Variants in ASPSCR1 observed in about 807,000 individuals in gnomAD.
ASPSCR1 encodes tether containing UBX domain for GLUT4.
In ASPSCR1, 55 loss-of-function variants were observed where a neutral mutation model predicts 68.9. The ratio of observed to expected loss-of-function variants is 0.80; its 90% CI spans 0.64 to 1.00. ASPSCR1 has a LOEUF of 1.00. Among genes scored for constraint, ASPSCR1 ranks in the 50% least tolerant of loss-of-function variants. The pLI is 0.00. For synonymous variants in ASPSCR1, 352 were observed against 332.6 expected (o/e 1.06, Z -0.63); for missense variants, 765 against 762.2 (o/e 1.00, Z -0.04).
At chr17:81,997,828 CTT>C (rs372497074) in intron 7 of ASPSCR1, among the ~76,000 whole-genome samples, 19 of 126,934 alleles carry the variant, frequency 1.5e-4, no homozygotes, top group Admixed American at 3.3e-4. Context: ...GAGGCACCCA[CTT>C]TTTTTTTTTT....
At position 82,017,316 on chromosome 17, in the gene ASPSCR1, G is replaced by C. The variant is rs377288926; in HGVS notation, c.1656G>C (p.Lys552Asn). 6.2e-5 allele frequency: 100 copies of C among 1,611,368 alleles called. No individual in the cohort carries two copies. The highest frequency in any genetic ancestry group is 8.1e-5 in the Non-Finnish European group (96 of 1,179,952). Reference sequence around the variant, plus strand: ...GATGTGTCTGCACTACAGCCAGCAAGAGGTGAGAGCTGCCAGCCTGAGGTG... The same window carrying C: ...GATGTGTCTGCACTACAGCCAGCAACAGGTGAGAGCTGCCAGCCTGAGGTG... Reference protein sequence around the residue: ...VPKWLKLPASKR With the variant: ...VPKWLKLPASNR The change falls in exon 16 of 16, where the codon AAG becomes AAC. Residue 552 changes from lysine (K) to asparagine (N), a missense_variant. Transcript: ENST00000306739.
At chr17:82,000,516 G>A (rs2042494842) in intron 7 of ASPSCR1, among the ~76,000 whole-genome samples, 2 of 152,162 alleles carry the variant, frequency 1.3e-5, no homozygotes, top group Non-Finnish European at 2.9e-5. Flanking sequence ...TTTCAGTGAT[G>A]GGGGGAGGGG....
intron 7 of ASPSCR1, among the ~76,000 whole-genome samples, chr17:82,003,818 G>A (rs985515132): frequency 6.6e-5 from 10 of 152,240 alleles, no homozygotes; most frequent in African/African-American, 2.4e-4. Flanking sequence ...CTTTGATGGC[G>A]TCCACGTGCT....
intron 4 of ASPSCR1, among the ~76,000 whole-genome samples, chr17:81,994,101 G>A (rs1256835363): frequency 6.6e-6 from 1 of 152,248 alleles, no homozygotes; most frequent in Non-Finnish European, 1.5e-5. Context: ...CTCTGGGGCT[G>A]GATGTGACGG....
At chr17:82,006,459 T>G (rs1385497270) in intron 7 of ASPSCR1, 1 of 152,214 alleles carries the variant, frequency 6.6e-6, no homozygotes, top group Non-Finnish European at 1.5e-5. Context: ...GGGTGTTCAC[T>G]GTTGTGTCTG....
At position 81,995,953 on chromosome 17, in the gene ASPSCR1, C is replaced by T. The variant is rs755380107; in HGVS notation, c.433-39C>T. 2.3e-5 allele frequency: 37 copies of T among 1,592,020 alleles called. 1 individual carries two copies. The highest frequency in any genetic ancestry group is 1.9e-4 in the Middle Eastern group (1 of 5,266). On this transcript the variant is annotated intron_variant, in intron 5 of 15. Coordinates refer to ENST00000306739, the MANE Select transcript of ASPSCR1 (RefSeq NM_024083.4). ...AGGGCTTCCCTGGGCTCTGGGGTCC[C>T]GGTGCAAGGCGCACCTGTCCTGGCT... is the stretch of plus-strand genomic sequence containing the variant.
At chr17:81,997,352 T>C (rs1231999202) in intron 7 of ASPSCR1, among the ~76,000 whole-genome samples, 1 of 152,084 alleles carries the variant, frequency 6.6e-6, no homozygotes, top group African/African-American at 2.4e-5. Context: ...TTCCGGGTTA[T>C]GGCCAGGGAA....
intron 7 of ASPSCR1, among the ~76,000 whole-genome samples, chr17:81,998,197 C>T (rs1199551994): frequency 6.6e-6 from 1 of 152,146 alleles, no homozygotes; most frequent in Non-Finnish European, 1.5e-5. Flanking sequence ...TCTCGAATTC[C>T]TGGGCTCAAG....
intron 12 of ASPSCR1, chr17:82,015,154 G>A (rs200558937): frequency 6.8e-5 from 109 of 1,598,172 alleles, no homozygotes; most frequent in Middle Eastern, 6.6e-4. Flanking sequence ...CAGAGAACAC[G>A]CTTGCCAGTG....
In ASPSCR1 at chr17:81,977,781, CG is replaced by C; in HGVS notation, c.102+36del. 1 of 1,207,512 alleles carries C rather than the reference CG, an allele frequency of 8.3e-7. No individual in the cohort carries two copies. The highest frequency in any genetic ancestry group is 1.0e-6 in the Non-Finnish European group (1 of 970,756). 74.8% of individuals were successfully genotyped at this position (1,207,512 alleles called of 1,614,324 possible). On this transcript the variant is annotated intron_variant, in intron 1 of 15. Coordinates refer to ENST00000306739, the MANE Select transcript of ASPSCR1 (RefSeq NM_024083.4). The surrounding 1 kb of genome is among the most constrained non-coding windows in gnomAD (Gnocchi z 5.0). ...CGCCCGCCCGGGGCGGACGGGTAGG[CG>C]GGCGGGGGGCGCTGCGCCGAGGCCC...
chr17:81,994,706 T>C, intron 4 of ASPSCR1, 115 bp from the exon 5 acceptor site: 1 of 1,061,222 alleles, frequency 9.4e-7, no homozygotes, highest in Non-Finnish European at 1.4e-6. Flanking sequence ...CTGTCCTGGG[T>C]GGGTGCTGGG....
At chr17:82,006,006 T>A (rs2042701394) in intron 7 of ASPSCR1, 1 of 152,452 alleles carries the variant, frequency 6.6e-6, no homozygotes, top group Admixed American at 6.5e-5. Flanking sequence ...TGGGGCACAG[T>A]CTGTGGTTTT....
At chr17:81,998,626 G>A (rs970599974) in intron 7 of ASPSCR1, among the ~76,000 whole-genome samples, 3 of 152,238 alleles carry the variant, frequency 2.0e-5, no homozygotes, top group Non-Finnish European at 4.4e-5. Flanking sequence ...AACCGTTTCA[G>A]TGTTTTCAGC....
intron 15 of ASPSCR1, 61 bp from the exon 16 acceptor site, chr17:82,017,248 G>GCGGGTGGC (rs1208292098): frequency 1.9e-6 from 3 of 1,604,704 alleles, no homozygotes; most frequent in African/African-American, 2.7e-5. Flanking sequence ...GGGCTGGTGG[G>GCGGGTGGC]CGGGTGGCCG....
At position 82,012,258 on chromosome 17, in the gene ASPSCR1, A is replaced by G; in HGVS notation, c.1328A>G (p.Asp443Gly). Reference sequence around the variant, plus strand: ...ATCACCCCTCCAAAAACAGTCCTGGACGACCACACGCAGACCCTCTTTCAG... The same window carrying G: ...ATCACCCCTCCAAAAACAGTCCTGGGCGACCACACGCAGACCCTCTTTCAG... ...LFITPPKTVL[D>G]DHTQTLFQAN... is the part of the protein sequence containing the mutation. Residue 443 changes from aspartate to glycine, a missense_variant, in exon 12 of 16, where the codon GAC (aspartate) becomes GGC (glycine). By Grantham distance (94) the Asp-to-Gly change is moderately conservative (BLOSUM62 -1). Transcript: ENST00000306739. 2.5e-6 allele frequency: 4 copies of G among 1,613,532 alleles called. No individual in the cohort carries two copies. The highest frequency in any genetic ancestry group is 3.4e-6 in the Non-Finnish European group (4 of 1,179,936).
At chr17:81,985,280 C>T (rs1049548036) in intron 3 of ASPSCR1, among the ~76,000 whole-genome samples, 1 of 152,122 alleles carries the variant, frequency 6.6e-6, no homozygotes, top group South Asian at 2.1e-4. Context: ...CTGCACATAC[C>T]TGCACACTCA....
At chr17:82,011,299 G>A (rs1429070567) in intron 10 of ASPSCR1, among the ~76,000 whole-genome samples, 1 of 152,040 alleles carries the variant, frequency 6.6e-6, no homozygotes, top group African/African-American at 2.4e-5. Context: ...AGGCTGGGGC[G>A]GGGGTGGGGC....
chr17:82,008,903 C>T (rs975634938), intron 7 of ASPSCR1, 134 bp from the exon 8 acceptor site: 29 of 1,273,210 alleles, frequency 2.3e-5, no homozygotes, highest in Admixed American at 1.3e-4. Flanking sequence ...CTTGGCCCTG[C>T]GCTGGCCGGG....
At chr17:81,988,496 C>G (rs996874900) in intron 4 of ASPSCR1, among the ~76,000 whole-genome samples, 6 of 151,282 alleles carry the variant, frequency 4.0e-5, no homozygotes, top group Non-Finnish European at 5.9e-5. Context: ...GCAGCTCTTT[C>G]GAGACACCAG....
Sources: allele counts gnomAD v4.1 joint callset (sites outside exome capture counted in the v4.1 genomes callset), GRCh38; gene constraint gnomAD v4.1.1; non-coding constraint Gnocchi (gnomAD v3.1); transcripts MANE v1.5; gene names NCBI Gene and HGNC (gene_info 2026-07-23, HGNC 2026-07-21).